The following HS6ST3 variants were observed in gnomAD, a reference collection of about 807,000 sequenced individuals.
HS6ST3 encodes heparan-sulfate 6-O-sulfotransferase 3.
A neutral mutation model predicts 36.7 loss-of-function variants in HS6ST3; 12 were observed. That is an observed-to-expected ratio of 0.33 (90% CI 0.21 to 0.53). HS6ST3 has a LOEUF of 0.53. Among genes scored for constraint, HS6ST3 ranks in the 20% least tolerant of loss-of-function variants. The pLI is 0.95. For missense variants in HS6ST3, 584 were observed against 640.9 expected (o/e 0.91, Z 0.96); for synonymous variants, 240 against 257.5 (o/e 0.93, Z 0.65).
intron 1 of HS6ST3, among the ~76,000 whole-genome samples, chr13:96,399,055 G>A (rs2055436123): frequency 6.6e-6 from 1 of 152,166 alleles, no homozygotes; most frequent in South Asian, 2.1e-4. Flanking sequence ...CATAGAAACT[G>A]CCAGATAATA....
intron 1 of HS6ST3, among the ~76,000 whole-genome samples, chr13:96,690,805 G>T (rs1333968595): frequency 7.5e-6 from 1 of 133,722 alleles, no homozygotes. Context: ...ACATGTAGTA[G>T]ATATAAGGAA....
intron 1 of HS6ST3, among the ~76,000 whole-genome samples, chr13:96,269,214 G>A (rs9556540): frequency 0.044 from 6,735 of 151,962 alleles, 263 homozygotes; most frequent in East Asian, 0.16. Context: ...AAGTTTTATG[G>A]TTTTATGGGG....
chr13:96,216,470 T>C (rs958989324), intron 1 of HS6ST3, among the ~76,000 whole-genome samples: 3 of 152,190 alleles, frequency 2.0e-5, no homozygotes, highest in Non-Finnish European at 4.4e-5. Flanking sequence ...TACGTCCTTG[T>C]TAAAAATTCA....
chr13:96,710,170 G>C (rs111840542), intron 1 of HS6ST3, among the ~76,000 whole-genome samples: 8 of 152,228 alleles, frequency 5.3e-5, no homozygotes, highest in Non-Finnish European at 1.0e-4. Context: ...ATATCATTAG[G>C]CTACTAAATG....
intron 1 of HS6ST3, among the ~76,000 whole-genome samples, chr13:96,643,746 G>T (rs1383719723): frequency 1.3e-5 from 2 of 151,790 alleles, no homozygotes; most frequent in Non-Finnish European, 2.9e-5. Flanking sequence ...ATAGAGCTTT[G>T]AAGGGGTTCT....
At position 96,574,946 on chromosome 13, in the gene HS6ST3, A is replaced by G. The variant is rs117788404; in HGVS notation, c.708-257544A>G. Among the ~76,000 whole-genome samples the G allele has an allele frequency of 4.1e-3, 621 of 152,238 alleles. 5 individuals are homozygous for G. The highest frequency in any genetic ancestry group is 0.021 in the East Asian group (111 of 5,170). On this transcript the variant is annotated intron_variant, in intron 1 of 1. Coordinates refer to ENST00000376705, the MANE Select transcript of HS6ST3 (RefSeq NM_153456.4). Reference sequence around the variant, plus strand: ...ATGGAGACCAACAAGAAACAGTTTTAGGTTGTTTCAAATTCCTGTTTTTAG... The same window carrying G: ...ATGGAGACCAACAAGAAACAGTTTTGGGTTGTTTCAAATTCCTGTTTTTAG...
At chr13:96,797,575 G>T (rs978431021) in intron 1 of HS6ST3, among the ~76,000 whole-genome samples, 2 of 152,180 alleles carry the variant, frequency 1.3e-5, no homozygotes, top group East Asian at 3.9e-4. Flanking sequence ...TGAAATCGTA[G>T]CACATTGACT....
intron 1 of HS6ST3, among the ~76,000 whole-genome samples, chr13:96,815,425 G>C (rs1259625387): frequency 6.6e-6 from 1 of 152,204 alleles, no homozygotes; most frequent in East Asian, 1.9e-4. Context: ...GTATGGGGCA[G>C]TGGGGTGGTG....
At chr13:96,799,995 T>TAC (rs1878022799) in intron 1 of HS6ST3, among the ~76,000 whole-genome samples, 1 of 115,304 alleles carries the variant, frequency 8.7e-6, no homozygotes, top group Non-Finnish European at 1.7e-5. Flanking sequence ...TATATATATA[T>TAC]ATGTATATAT....
chr13:96,482,775 A>G (rs1476519606), intron 1 of HS6ST3, among the ~76,000 whole-genome samples: 1 of 152,230 alleles, frequency 6.6e-6, no homozygotes, highest in Non-Finnish European at 1.5e-5. Context: ...CTGCATGAGT[A>G]TGTTTCACTT....
intron 1 of HS6ST3, among the ~76,000 whole-genome samples, chr13:96,245,347 C>A (rs1301810285): frequency 6.6e-6 from 1 of 152,156 alleles, no homozygotes; most frequent in Non-Finnish European, 1.5e-5. Context: ...AGGGGTATAG[C>A]ATTAAGATCA....
intron 1 of HS6ST3, among the ~76,000 whole-genome samples, chr13:96,410,654 G>A (rs9516686): frequency 0.36 from 54,639 of 151,888 alleles, 9,988 homozygotes; most frequent in South Asian, 0.42. Context: ...AATTATTCCA[G>A]TTGCATTCAA....
chr13:96,570,318 A>G (rs574796092), intron 1 of HS6ST3, among the ~76,000 whole-genome samples: 98 of 152,242 alleles, frequency 6.4e-4, no homozygotes, highest in Non-Finnish European at 1.1e-3. Context: ...CTTAATGTTT[A>G]ATATCATTTG....
chr13:96,300,047 C>CTTTTTTT (rs11350737), intron 1 of HS6ST3, among the ~76,000 whole-genome samples: 1 of 74,522 alleles, frequency 1.3e-5, no homozygotes, highest in Non-Finnish European at 2.5e-5. Flanking sequence ...AAGTGCTACA[C>CTTTTTTT]TTTTTTTTTT....
At chr13:96,260,875 A>C (rs2139383043) in intron 1 of HS6ST3, among the ~76,000 whole-genome samples, 1 of 151,512 alleles carries the variant, frequency 6.6e-6, no homozygotes, top group South Asian at 2.1e-4. Context: ...TCTGGCCTCA[A>C]GTGATCCGCC....
chr13:96,835,675 T>A lies in HS6ST3; in HGVS notation c.*2477T>A, dbSNP rs1878911002. 1 of 151,106 alleles carries A rather than the reference T, an allele frequency of 6.6e-6. No individual in the cohort carries two copies. Among genetic ancestry groups the A allele is most frequent in the African/African-American group, 2.4e-5 (1 of 40,942 alleles). 9.4% of individuals were successfully genotyped at this position (151,106 alleles called of 1,614,324 possible). On this transcript the variant is annotated 3_prime_UTR_variant, in exon 2 of 2. Coordinates refer to ENST00000376705, the MANE Select transcript of HS6ST3 (RefSeq NM_153456.4). ...TTGTCATGTGGAAAATCAAAACAAG[T>A]TAGAAAGCATTCAGATTGTTTCTTT...
chr13:96,673,804 A>G (rs1269601581), intron 1 of HS6ST3, among the ~76,000 whole-genome samples: 2 of 152,118 alleles, frequency 1.3e-5, no homozygotes, highest in African/African-American at 2.4e-5. Flanking sequence ...TGCCATCTCA[A>G]TTCTTGTTTC....
At chr13:96,781,617 A>G (rs1396902859) in intron 1 of HS6ST3, among the ~76,000 whole-genome samples, 1 of 152,240 alleles carries the variant, frequency 6.6e-6, no homozygotes, top group Non-Finnish European at 1.5e-5. Context: ...AAAACTCTCA[A>G]CAGGAAACCA....
At chr13:96,306,547 G>A (rs751606919) in intron 1 of HS6ST3, among the ~76,000 whole-genome samples, 1 of 152,074 alleles carries the variant, frequency 6.6e-6, no homozygotes, top group Non-Finnish European at 1.5e-5. Context: ...GCTTCAGATG[G>A]CCTGTATGAA....
Sources: gnomAD v4.1 joint callset for allele counts (sites outside exome capture counted in the v4.1 genomes callset) on GRCh38, gnomAD v4.1.1 for gene constraint, MANE v1.5 for transcripts, NCBI Gene and HGNC (gene_info 2026-07-23, HGNC 2026-07-21) for gene names.